PCP4: variants seen among roughly 807,000 people sequenced by gnomAD.
The protein encoded by PCP4 is calmodulin regulator protein PCP4.
In PCP4, 8 loss-of-function variants were observed where a neutral mutation model predicts 10.0. The ratio of observed to expected loss-of-function variants is 0.80; its 90% CI spans 0.47 to 1.45. The LOEUF is 1.45. Ranked by LOEUF, PCP4 falls within the 40% of genes most tolerant of loss-of-function variation. The probability of loss-of-function intolerance (pLI) is 0.00; values close to 1 mark genes in which losing one functional copy is unlikely to be tolerated. For synonymous variants in PCP4, 21 were observed against 23.0 expected (o/e 0.91, Z 0.24); for missense variants, 54 against 74.4 (o/e 0.73, Z 1.01).
intron 2 of PCP4, among the ~76,000 whole-genome samples, chr21:39,908,746 G>A (rs1379239220): frequency 6.6e-6 from 1 of 152,152 alleles, no homozygotes; most frequent in East Asian, 1.9e-4. Context: ...AGCTGCTACT[G>A]TGCCTGGGGC....
rs979811715 is a variant in PCP4 at position 39,906,442 on chromosome 21, A to G, written c.61+7915A>G. Among the ~76,000 whole-genome samples, 4 of 152,226 alleles carry G rather than the reference A, an allele frequency of 2.6e-5. No individual in the cohort carries two copies. The highest frequency in any genetic ancestry group is 7.2e-5 in the African/African-American group (3 of 41,452). ...TCTCAGACTAATAATAGGGACAGCC[A>G]TGATAGTTTTCAAAATTAAAACATC... On this transcript the variant is annotated intron_variant, in intron 2 of 2. Coordinates refer to ENST00000328619, the MANE Select transcript of PCP4 (RefSeq NM_006198.3). This position sits in a 1 kb window ranked among gnomAD's most constrained non-coding sequence, Gnocchi z 6.3.
At chr21:39,872,293 C>T (rs1024770920) in intron 1 of PCP4, among the ~76,000 whole-genome samples, 1 of 152,172 alleles carries the variant, frequency 6.6e-6, no homozygotes, top group African/African-American at 2.4e-5. Flanking sequence ...GCCACCGCAC[C>T]CAACCTGCGT....
At chr21:39,908,033 C>G (rs2087521394) in intron 2 of PCP4, among the ~76,000 whole-genome samples, 1 of 152,074 alleles carries the variant, frequency 6.6e-6, no homozygotes, top group African/African-American at 2.4e-5. Context: ...AAAAATGTAG[C>G]TTATTATACG....
At chr21:39,910,391 G>T (rs1455402856) in intron 2 of PCP4, among the ~76,000 whole-genome samples, 2 of 151,986 alleles carry the variant, frequency 1.3e-5, no homozygotes, top group East Asian at 1.9e-4. Flanking sequence ...TACACTTCAA[G>T]TTTCGCTCTT....
rs149075796 is a variant in PCP4 at position 39,906,084 on chromosome 21, T to C, written c.61+7557T>C. Among the ~76,000 whole-genome samples, 143 of 152,338 alleles carry C rather than the reference T, an allele frequency of 9.4e-4. No homozygotes were observed. Among genetic ancestry groups the C allele is most frequent in the African/African-American group, 3.0e-3 (126 of 41,594 alleles). On this transcript the variant is annotated intron_variant, in intron 2 of 2. Transcript: ENST00000328619. The surrounding 1 kb of genome is among the most constrained non-coding windows in gnomAD (Gnocchi z 6.3). ...CCCCATGCTGTCTTCCCTTTGATGT[T>C]ACCATGGCCTTGCAGGTGGGTTGGG...
chr21:39,867,598 TAGC>T (rs2087300684), intron 1 of PCP4, 88 bp downstream of exon 1: 1 of 1,222,626 alleles, frequency 8.2e-7, no homozygotes, highest in Non-Finnish European at 1.2e-6. Flanking sequence ...GTGAGGGACT[TAGC>T]AGTGCTGAGG....
rs1029551215 is a variant in PCP4, at chr21:39,898,301, A to G, written c.10-175A>G. On this transcript the variant is annotated intron_variant, in intron 1 of 2. Coordinates refer to ENST00000328619, the MANE Select transcript of PCP4 (RefSeq NM_006198.3). ...GGGCCGGTCTGTGCAGCTTCAGTAC[A>G]TCCTTTCTTGGTGGATCCATTCCTA... is the stretch of plus-strand genomic sequence containing the variant. 7 of 710,456 alleles carry G rather than the reference A, an allele frequency of 9.9e-6. No homozygotes were observed. The African/African-American group carries it at 1.2e-4, about 12-fold the overall frequency. 44.0% of individuals were successfully genotyped at this position (710,456 alleles called of 1,614,324 possible).
intron 1 of PCP4, among the ~76,000 whole-genome samples, chr21:39,891,234 T>C (rs1489771221): frequency 6.6e-6 from 1 of 152,212 alleles, no homozygotes; most frequent in Non-Finnish European, 1.5e-5. Flanking sequence ...CTCTCATGTG[T>C]CACTAGGCCC....
chr21:39,873,185 A>G (rs1389784163), intron 1 of PCP4, among the ~76,000 whole-genome samples: 2 of 152,160 alleles, frequency 1.3e-5, no homozygotes, highest in Non-Finnish European at 2.9e-5. Flanking sequence ...GGTTTGCTGT[A>G]TTGAAACAGA....
In PCP4 at chr21:39,903,877, A is replaced by G. The variant is rs867172181; in HGVS notation, c.61+5350A>G. ...AGTGGGACTCCGTCTCAAAAAAAAC[A>G]AAAAAAAAAAAAAAAAAAAGACTTA... is the stretch of plus-strand genomic sequence containing the variant. On this transcript the variant is annotated intron_variant, in intron 2 of 2. Transcript: ENST00000328619. 6.8e-4 allele frequency among the ~76,000 whole-genome samples: 55 copies of G among 81,350 alleles called. No individual in the cohort carries two copies. The Middle Eastern group carries it at 0.018, about 26-fold the overall frequency. The allele number at this position is 81,350 out of a possible 152,430, so 53.4% of individuals were successfully genotyped here. A position where few individuals can be genotyped will look rare whatever the true frequency, so the allele number is the denominator to read the frequency against.
chr21:39,922,211 CTTTATA>C (rs963200023), intron 2 of PCP4, among the ~76,000 whole-genome samples: 176 of 152,064 alleles, frequency 1.2e-3, no homozygotes, highest in African/African-American at 4.1e-3. Context: ...AGTTCCTAAC[CTTTATA>C]TTTATGATTC....
In PCP4 at chr21:39,891,463, G is replaced by A. The variant is rs542044868; in HGVS notation, c.10-7013G>A. ...GCTCTGTGGAGCACCTTGGATCAACGAGAGATGGCAGCTGGTGGTGTAGGG... is the reference window on the plus strand; with the variant it reads ...GCTCTGTGGAGCACCTTGGATCAACAAGAGATGGCAGCTGGTGGTGTAGGG... On this transcript the variant is annotated intron_variant, in intron 1 of 2. Coordinates refer to ENST00000328619, the MANE Select transcript of PCP4 (RefSeq NM_006198.3). Among the ~76,000 whole-genome samples the A allele has an allele frequency of 3.3e-5, 5 of 152,364 alleles. No individual in the cohort carries two copies. In the South Asian group the frequency reaches 1.0e-3, roughly 32 times the overall value.
At chr21:39,926,950 G>A (rs1312127882) in intron 2 of PCP4, among the ~76,000 whole-genome samples, 1 of 152,162 alleles carries the variant, frequency 6.6e-6, no homozygotes, top group Non-Finnish European at 1.5e-5. Flanking sequence ...CCCTGCCTCT[G>A]AAATATTCCT....
At chr21:39,908,195 TAAAGG>T (rs1440394581) in intron 2 of PCP4, among the ~76,000 whole-genome samples, 1 of 149,048 alleles carries the variant, frequency 6.7e-6, no homozygotes, top group East Asian at 1.9e-4. Flanking sequence ...TTAGTATTTC[TAAAGG>T]AAAGAAAACT....
chr21:39,919,076 G>A (rs188504845), intron 2 of PCP4, among the ~76,000 whole-genome samples: 1 of 152,306 alleles, frequency 6.6e-6, no homozygotes, highest in East Asian at 1.9e-4. Flanking sequence ...GATCCAATGT[G>A]AGGTGTAAAG....
chr21:39,880,664 C>A (rs965107931), intron 1 of PCP4, among the ~76,000 whole-genome samples: 4 of 152,196 alleles, frequency 2.6e-5, no homozygotes, highest in African/African-American at 9.7e-5. Flanking sequence ...TTGGTCCTCA[C>A]TTCTTCTTCC....
At chr21:39,889,927 T>C (rs111945434) in intron 1 of PCP4, among the ~76,000 whole-genome samples, 1,874 of 152,344 alleles carry the variant, frequency 0.012, 9 homozygotes, top group Middle Eastern at 0.027. Context: ...CAAAGTGTAC[T>C]GGGCTGAATT....
At chr21:39,872,925 C>G (rs565837368) in intron 1 of PCP4, among the ~76,000 whole-genome samples, 1 of 151,960 alleles carries the variant, frequency 6.6e-6, no homozygotes, top group East Asian at 1.9e-4. Context: ...TTGTTATATA[C>G]GCAACATAAG....
At position 39,921,300 on chromosome 21, in the gene PCP4, C is replaced by T. The variant is rs2299793; in HGVS notation, c.62-7684C>T. 2.7e-3 allele frequency among the ~76,000 whole-genome samples: 417 copies of T among 152,270 alleles called. 1 individual carries two copies. The East Asian group carries it at 0.035, about 13-fold the overall frequency. On this transcript the variant is annotated intron_variant, in intron 2 of 2. Transcript: ENST00000328619. ...TCTAAGGAGATGAAGTAGCACAACC[C>T]CACAGGATGAAAACAAGATTTGGAA... is the stretch of plus-strand genomic sequence containing the variant.
Sources: allele counts gnomAD v4.1 joint callset (sites outside exome capture counted in the v4.1 genomes callset), GRCh38; gene constraint gnomAD v4.1.1; non-coding constraint Gnocchi (gnomAD v3.1); transcripts MANE v1.5; gene names NCBI Gene and HGNC (gene_info 2026-07-23, HGNC 2026-07-21).